The following DISP1 variants were observed in gnomAD, a reference collection of about 807,000 sequenced individuals.
The protein encoded by DISP1 is dispatched RND transporter family member 1.
Under a neutral mutation model 37.3 loss-of-function variants are expected in DISP1, and 30 were observed. The ratio of observed to expected loss-of-function variants is 0.80; its 90% confidence interval spans 0.60 to 1.09. The LOEUF is 1.09. DISP1 is among the 50% of genes least tolerant of loss of function. The pLI, the probability that DISP1 is intolerant of heterozygous loss-of-function variation, is 0.00. For missense variants in DISP1, 1,598 were observed against 1,879.5 expected, an observed-to-expected ratio of 0.85 and a Z score of 2.77; for synonymous variants, 634 against 690.2, an observed-to-expected ratio of 0.92 and a Z score of 1.28.
chr1:222,951,981 A>G (rs1218347418), intron 3 of DISP1, among the ~76,000 whole-genome samples: 1 of 152,244 alleles, frequency 6.6e-6, no homozygotes, highest in African/African-American at 2.4e-5. Flanking sequence ...TAAAGTTTTA[A>G]TAGTAAAAGA....
At chr1:222,919,355 T>C (rs1354480358) in intron 1 of DISP1, among the ~76,000 whole-genome samples, 3 of 152,184 alleles carry the variant, frequency 2.0e-5, no homozygotes, top group Non-Finnish European at 4.4e-5. Flanking sequence ...GCAGTGTTTC[T>C]TGTGATTAGG....
intron 3 of DISP1, among the ~76,000 whole-genome samples, chr1:222,956,297 C>G (rs752607245): frequency 3.9e-5 from 6 of 152,122 alleles, no homozygotes; most frequent in Non-Finnish European, 2.9e-5. Flanking sequence ...GAGGAAGAGT[C>G]CCCTAGCCCT....
intron 1 of DISP1, among the ~76,000 whole-genome samples, chr1:222,923,243 A>G (rs1672906044): frequency 2.0e-5 from 3 of 152,180 alleles, no homozygotes; most frequent in Admixed American, 2.0e-4. Flanking sequence ...GTCAAGATTG[A>G]GAGTACCTGT....
chr1:222,834,358 T>G (rs1203181833), intron 1 of DISP1, among the ~76,000 whole-genome samples: 1 of 152,180 alleles, frequency 6.6e-6, no homozygotes, highest in Non-Finnish European at 1.5e-5. Flanking sequence ...TCTCTTTTAG[T>G]TCTATTTCTG....
rs570815481 is a variant in DISP1 at position 222,909,640 on chromosome 1, A to G, written c.-158-18790A>G. Among the ~76,000 whole-genome samples the G allele has an allele frequency of 3.3e-5, 5 of 152,304 alleles. 1 individual carries two copies. The highest frequency in any genetic ancestry group is 1.2e-4 in the African/African-American group (5 of 41,578). ...TTCTCGTTTCAACACCATATCCCAC[A>G]TGGCAACAAAAGGATATAAAAGATA... On this transcript the variant is annotated intron_variant, in intron 1 of 8. Coordinates refer to ENST00000675850, the MANE Select transcript of DISP1 (RefSeq NM_001377229.1).
intron 1 of DISP1, among the ~76,000 whole-genome samples, chr1:222,849,825 A>C (rs1668123915): frequency 6.6e-6 from 1 of 152,202 alleles, no homozygotes; most frequent in Non-Finnish European, 1.5e-5. Context: ...CATGTAATTT[A>C]GATTCTGGTA....
chr1:222,867,317 G>T (rs1669250937), intron 1 of DISP1, among the ~76,000 whole-genome samples: 1 of 152,122 alleles, frequency 6.6e-6, no homozygotes, highest in South Asian at 2.1e-4. Flanking sequence ...ATAATAATGA[G>T]ATTTTTAGAC....
intron 1 of DISP1, among the ~76,000 whole-genome samples, chr1:222,858,833 C>T (rs1186827990): frequency 6.6e-6 from 1 of 152,150 alleles, no homozygotes; most frequent in Non-Finnish European, 1.5e-5. Flanking sequence ...CTAGAAACAA[C>T]AGATGCTGGC....
At position 222,971,334 on chromosome 1, in the gene DISP1, A is replaced by T. The variant is rs151315021; in HGVS notation, c.510-11746A>T. ...TAAATGAAGATATCACAACAGCTGC[A>T]AGGTATTGGTTACACCGTTGGAGTT... is the stretch of plus-strand genomic sequence containing the variant. On this transcript the variant is annotated intron_variant, in intron 3 of 8. Coordinates refer to ENST00000675850, the MANE Select transcript of DISP1 (RefSeq NM_001377229.1). Among the ~76,000 whole-genome samples, 1,346 of 152,074 alleles carry T rather than the reference A, an allele frequency of 8.9e-3. 24 individuals are homozygous for T. The highest frequency in any genetic ancestry group is 0.031 in the African/African-American group (1,270 of 41,508).
chr1:222,826,057 A>G (rs1664305445), intron 1 of DISP1, among the ~76,000 whole-genome samples: 1 of 152,130 alleles, frequency 6.6e-6, no homozygotes, highest in South Asian at 2.1e-4. Flanking sequence ...GTGTACCACC[A>G]TGCATGGCTA....
Position 222,990,600 on chromosome 1 carries a change from G to A in DISP1, c.540-25G>A, listed in dbSNP as rs753760658. On this transcript the variant is annotated intron_variant, in intron 4 of 8. Transcript: ENST00000675850. ...TTTCTGTAGTTATGCAGCTCTGATA[G>A]CCGACACTTCTTTGTGTTTTGTAGT... is the stretch of plus-strand genomic sequence containing the variant. 4.3e-6 allele frequency: 7 copies of A among 1,613,658 alleles called. No individual in the cohort carries two copies. In the South Asian group the frequency reaches 7.7e-5, roughly 18 times the overall value.
At chr1:222,853,932 T>G (rs975435015) in intron 1 of DISP1, among the ~76,000 whole-genome samples, 2 of 152,190 alleles carry the variant, frequency 1.3e-5, no homozygotes, top group Non-Finnish European at 2.9e-5. Flanking sequence ...ATGTTAGAGA[T>G]GATGAATATG....
chr1:222,856,009 G>T (rs1210588147), intron 1 of DISP1, among the ~76,000 whole-genome samples: 1 of 152,032 alleles, frequency 6.6e-6, no homozygotes, highest in East Asian at 1.9e-4. Context: ...TGTTTAAAAA[G>T]ATATTAAATT....
intron 7 of DISP1, among the ~76,000 whole-genome samples, chr1:222,993,294 G>A (rs1450362039): frequency 6.6e-6 from 1 of 152,216 alleles, no homozygotes; most frequent in Admixed American, 6.5e-5. Context: ...GGAAGGCACA[G>A]CCTAGAGGAC....
intron 1 of DISP1, among the ~76,000 whole-genome samples, chr1:222,889,750 A>T (rs1473317750): frequency 6.6e-6 from 1 of 152,116 alleles, no homozygotes; most frequent in East Asian, 1.9e-4. Context: ...TAAAATGAAG[A>T]CAATTTCTGA....
rs1377528358 is a variant in DISP1, at chr1:222,893,344, T to A, written c.-158-35086T>A. On this transcript the variant is annotated intron_variant, in intron 1 of 8. Coordinates refer to ENST00000675850, the MANE Select transcript of DISP1 (RefSeq NM_001377229.1). The surrounding 1 kb of genome is among the most constrained non-coding windows in gnomAD (Gnocchi z 4.3). Reference sequence around the variant, plus strand: ...GATGTTACTTCGCCAACTGGAAACCTCTGTAGCTGGCGGAGCCTTCTTCCT... The same window carrying A: ...GATGTTACTTCGCCAACTGGAAACCACTGTAGCTGGCGGAGCCTTCTTCCT... 6.6e-6 allele frequency among the ~76,000 whole-genome samples: 1 copy of A among 152,240 alleles called. No homozygotes were observed. The highest frequency in any genetic ancestry group is 2.4e-5 in the African/African-American group (1 of 41,474).
At chr1:222,903,551 C>T (rs1671732623) in intron 1 of DISP1, among the ~76,000 whole-genome samples, 1 of 151,754 alleles carries the variant, frequency 6.6e-6, no homozygotes, top group Non-Finnish European at 1.5e-5. Flanking sequence ...TATTGGATAA[C>T]TTGGGATATC....
At chr1:222,852,133 G>A (rs1472232054) in intron 1 of DISP1, among the ~76,000 whole-genome samples, 4 of 152,122 alleles carry the variant, frequency 2.6e-5, no homozygotes, top group East Asian at 1.9e-4. Flanking sequence ...GTGGTGAGCC[G>A]AGATCGCGCC....
At chr1:222,921,846 G>A (rs1038286467) in intron 1 of DISP1, among the ~76,000 whole-genome samples, 2 of 152,074 alleles carry the variant, frequency 1.3e-5, no homozygotes, top group African/African-American at 4.8e-5. Context: ...TAGAACCTGT[G>A]CCTTTACATA....
Sources: gnomAD v4.1 joint callset for allele counts (sites outside exome capture counted in the v4.1 genomes callset) on GRCh38, gnomAD v4.1.1 for gene constraint, Gnocchi (gnomAD v3.1) non-coding constraint, MANE v1.5 for transcripts, NCBI Gene and HGNC (gene_info 2026-07-23, HGNC 2026-07-21) for gene names.